Variants in PRDM10 observed in about 807,000 individuals in gnomAD.
The protein encoded by PRDM10 is PR domain zinc finger protein 10.
A neutral mutation model predicts 133.1 loss-of-function variants in PRDM10; 65 were observed. That is an observed-to-expected ratio of 0.49 (90% CI 0.40 to 0.60). PRDM10 has a LOEUF of 0.60. Ranked by LOEUF, PRDM10 falls within the 20% of genes least tolerant of loss-of-function variation. PRDM10 has a pLI of 0.00. For missense variants in PRDM10, 1,137 were observed against 1,507.1 expected (o/e 0.75, Z 4.07); for synonymous variants, 582 against 580.4 (o/e 1.00, Z -0.04).
At chr11:129,942,826 T>C (rs1951258705) in intron 6 of PRDM10, among the ~76,000 whole-genome samples, 197 bp from the exon 7 acceptor site, 1 of 152,188 alleles carries the variant, frequency 6.6e-6, no homozygotes, top group Admixed American at 6.5e-5. Flanking sequence ...GCCTCAACTG[T>C]AGGAAAATTA....
chr11:129,990,381 G>C (rs573201628), intron 1 of PRDM10, among the ~76,000 whole-genome samples: 2 of 151,460 alleles, frequency 1.3e-5, no homozygotes, highest in Admixed American at 1.3e-4. Context: ...AATAAGCCGG[G>C]CGTGGTGGCG....
chr11:129,959,864 C>T (rs1013487219), intron 2 of PRDM10, among the ~76,000 whole-genome samples: 1 of 151,780 alleles, frequency 6.6e-6, no homozygotes, highest in South Asian at 2.1e-4. Context: ...CTGCAGCCTC[C>T]ACCTCCTAGA....
At chr11:129,975,821 T>C (rs1404404940) in intron 1 of PRDM10, among the ~76,000 whole-genome samples, 1 of 152,216 alleles carries the variant, frequency 6.6e-6, no homozygotes, top group African/African-American at 2.4e-5. Flanking sequence ...CTGCACCAAG[T>C]GCCTTCCAAG....
chr11:129,996,077 T>C (rs1939050960), intron 1 of PRDM10, among the ~76,000 whole-genome samples: 1 of 152,262 alleles, frequency 6.6e-6, no homozygotes, highest in Non-Finnish European at 1.5e-5. Context: ...CACTCATTTA[T>C]ACTGCATTCT....
At chr11:129,962,661 G>A (rs547765646) in intron 1 of PRDM10, among the ~76,000 whole-genome samples, 24 of 152,176 alleles carry the variant, frequency 1.6e-4, no homozygotes, top group Non-Finnish European at 3.1e-4. Context: ...TGTGTCAAAA[G>A]CTATCAACCT....
chr11:129,924,730 T>C (rs1327305022), intron 12 of PRDM10, 152 bp downstream of exon 12: 3 of 656,366 alleles, frequency 4.6e-6, no homozygotes, highest in Non-Finnish European at 7.8e-6. Flanking sequence ...TGTATAAAAG[T>C]AGTTTGATTG....
chr11:129,947,126 G>T lies in PRDM10; in HGVS notation c.520+19C>A. On this transcript the variant is annotated intron_variant, in intron 5 of 20. Coordinates refer to ENST00000360871, the MANE Select transcript of PRDM10 (RefSeq NM_199437.2). The surrounding 1 kb of genome is among the most constrained non-coding windows in gnomAD (Gnocchi z 4.6). Reference sequence around the variant, plus strand: ...AGATGGACACAGCTTCCCTGGGGGAGACCCGTGCCCACACTTACACAAGTC... The same window carrying T: ...AGATGGACACAGCTTCCCTGGGGGATACCCGTGCCCACACTTACACAAGTC... The T allele has an allele frequency of 6.2e-7, 1 of 1,612,314 alleles. No homozygotes were observed. Among genetic ancestry groups the T allele is most frequent in the Non-Finnish European group, 8.5e-7 (1 of 1,178,796 alleles).
chr11:129,958,665 T>C (rs1314599782), intron 2 of PRDM10, among the ~76,000 whole-genome samples: 1 of 151,982 alleles, frequency 6.6e-6, no homozygotes, highest in Non-Finnish European at 1.5e-5. Context: ...TAAAATAAAA[T>C]CAGGTCACTT....
In PRDM10 at chr11:129,944,876, G is replaced by T; in HGVS notation, c.657C>A (p.Gly219=). 2 of 1,614,140 alleles carry T rather than the reference G, an allele frequency of 1.2e-6. No homozygotes were observed. Among genetic ancestry groups the T allele is most frequent in the Non-Finnish European group, 8.5e-7 (1 of 1,180,038 alleles). The change falls in exon 6 of 21, where the codon GGC becomes GGA. Residue 219 remains glycine, a synonymous_variant. Transcript: ENST00000360871. ...PLVLYIDRFL[G]GVFSKRRIPK... is the part of the protein sequence containing the mutation. The stretch of plus-strand genomic sequence containing the variant: ...GGATGCGCCGCTTGGAGAACACCCC[G>T]CCCAGAAACCTGTCTATGTAGAGCA...
intron 1 of PRDM10, among the ~76,000 whole-genome samples, chr11:129,993,516 G>C (rs992332000): frequency 1.8e-4 from 28 of 151,860 alleles, no homozygotes; most frequent in Non-Finnish European, 3.1e-4. Context: ...ATGGAATCTC[G>C]TTGTGTCGCC....
At chr11:129,924,444 ATAT>A (rs1950614092) in intron 12 of PRDM10, among the ~76,000 whole-genome samples, 1 of 152,224 alleles carries the variant, frequency 6.6e-6, no homozygotes, top group African/African-American at 2.4e-5. Flanking sequence ...ATACAAAAGT[ATAT>A]TATATACCAA....
At chr11:129,970,010 A>G (rs1951984591) in intron 1 of PRDM10, among the ~76,000 whole-genome samples, 1 of 152,236 alleles carries the variant, frequency 6.6e-6, no homozygotes. Flanking sequence ...GAAAGATAAT[A>G]GGAAATCAAA....
Position 129,944,873 on chromosome 11 carries a change from C to A in PRDM10, c.660G>T (p.Gly220=). Residue 220 remains glycine (G), a synonymous_variant, in exon 6 of 21, where the codon GGG becomes GGT. Transcript: ENST00000360871. ...TGGGGATGCGCCGCTTGGAGAACACCCCGCCCAGAAACCTGTCTATGTAGA... is the reference window on the plus strand; with the variant it reads ...TGGGGATGCGCCGCTTGGAGAACACACCGCCCAGAAACCTGTCTATGTAGA... The part of the protein sequence containing the change: ...LVLYIDRFLG[G]VFSKRRIPKR... 6.2e-7 allele frequency: 1 copy of A among 1,614,130 alleles called. No individual in the cohort carries two copies. Among genetic ancestry groups the A allele is most frequent in the Non-Finnish European group, 8.5e-7 (1 of 1,180,038 alleles).
intron 19 of PRDM10, among the ~76,000 whole-genome samples, chr11:129,906,895 T>C (rs1483808195): frequency 1.3e-5 from 2 of 151,894 alleles, no homozygotes; most frequent in African/African-American, 4.8e-5. Flanking sequence ...GGAGAATCAC[T>C]TGAACCTGGG....
Position 129,914,854 on chromosome 11 carries a change from T to G in PRDM10, c.2691A>C (p.Gln897His), listed in dbSNP as rs769670890. Residue 897 changes from glutamine to histidine, a missense_variant, in exon 17 of 21, where the codon CAA (glutamine) becomes CAC (histidine). Transcript: ENST00000360871. Reference protein sequence around the residue: ...ETVVTTDLLTQAMTELSQTLT... With the variant: ...ETVVTTDLLTHAMTELSQTLT... ...AGGTCTGGGACAGTTCTGTCATTGC[T>G]TGGGTGAGCAGGTCCGTCGTCACCA... The G allele has an allele frequency of 2.5e-6, 4 of 1,614,008 alleles. No individual in the cohort carries two copies. The highest frequency in any genetic ancestry group is 1.3e-5 in the African/African-American group (1 of 74,912).
intron 1 of PRDM10, among the ~76,000 whole-genome samples, chr11:129,990,522 CAAAAAAAAA>C (rs59217112): frequency 2.1e-4 from 14 of 67,110 alleles, no homozygotes; most frequent in South Asian, 1.9e-3. Flanking sequence ...ACTTTGTCTC[CAAAAAAAAA>C]AAAAAAAAAA....
intron 3 of PRDM10, 71 bp from the exon 4 acceptor site, chr11:129,955,642 T>C: frequency 6.9e-7 from 1 of 1,454,730 alleles, no homozygotes; most frequent in Non-Finnish European, 9.6e-7. Flanking sequence ...AAAATTATCC[T>C]ACTGCTAAGC....
chr11:129,968,569 T>TA (rs1951952147), intron 1 of PRDM10, among the ~76,000 whole-genome samples: 1 of 151,980 alleles, frequency 6.6e-6, no homozygotes, highest in Non-Finnish European at 1.5e-5. Flanking sequence ...CTCTCTCTGA[T>TA]ATTACCCTGA....
chr11:129,982,768 T>C (rs1295716253), intron 1 of PRDM10, among the ~76,000 whole-genome samples: 2 of 151,950 alleles, frequency 1.3e-5, no homozygotes, highest in South Asian at 2.1e-4. Flanking sequence ...CTGGGCAACA[T>C]GGCAAGACCT....
Sources: gnomAD v4.1 joint callset for allele counts (sites outside exome capture counted in the v4.1 genomes callset) on GRCh38, gnomAD v4.1.1 for gene constraint, Gnocchi (gnomAD v3.1) non-coding constraint, MANE v1.5 for transcripts, NCBI Gene and HGNC (gene_info 2026-07-23, HGNC 2026-07-21) for gene names.